Variants in BLZF1 observed in about 807,000 individuals in gnomAD.
BLZF1 encodes golgin-45.
Under a neutral mutation model 43.8 loss-of-function variants are expected in BLZF1, and 39 were observed. The ratio of observed to expected loss-of-function variants is 0.89; its 90% CI spans 0.69 to 1.16. BLZF1 has a LOEUF of 1.16. BLZF1 is among the 50% of genes most tolerant of loss of function. The pLI is 0.00. For synonymous variants in BLZF1, 136 were observed against 159.4 expected (o/e 0.85, Z 1.11); for missense variants, 449 against 469.8 (o/e 0.96, Z 0.41).
downstream of BLZF1, among the ~76,000 whole-genome samples, chr1:169,392,318 A>G (rs1571448659): frequency 6.6e-6 from 1 of 152,330 alleles, no homozygotes; most frequent in East Asian, 1.9e-4. Flanking sequence ...TGGAGGACTG[A>G]CACTTCCCAA....
rs1333304973 is a variant in BLZF1, at chr1:169,369,610, G to A, written c.28+60G>A. On this transcript the variant is annotated intron_variant, in intron 2 of 6. Transcript: ENST00000367808. ...GACATTTATGACGATGTGAAGGAAC[G>A]TTTGAGCCAGATAACTAGATCTCAT... The A allele has an allele frequency of 3.0e-6, 4 of 1,320,386 alleles. No homozygotes were observed. In the South Asian group the frequency reaches 3.7e-5, roughly 12 times the overall value. The allele number at this position is 1,320,386 out of a possible 1,614,324, so 81.8% of individuals were successfully genotyped here.
chr1:169,373,249 C>T (rs1654183864), intron 2 of BLZF1, among the ~76,000 whole-genome samples: 1 of 152,064 alleles, frequency 6.6e-6, no homozygotes, highest in Non-Finnish European at 1.5e-5. Context: ...GATAATTGAT[C>T]ACAGGTGGAA....
At chr1:169,386,557 T>C (rs1470270147) in intron 6 of BLZF1, among the ~76,000 whole-genome samples, 1 of 151,370 alleles carries the variant, frequency 6.6e-6, no homozygotes, top group African/African-American at 2.4e-5. Context: ...CGGGCGCCTA[T>C]AGTCCCAGCT....
chr1:169,386,540 A>G (rs1205369019), intron 6 of BLZF1, among the ~76,000 whole-genome samples: 2 of 151,934 alleles, frequency 1.3e-5, no homozygotes, highest in Non-Finnish European at 2.9e-5. Flanking sequence ...TGAGCCGGGC[A>G]TGGTGGCGGG....
At chr1:169,388,542 T>G (rs995722958), downstream of BLZF1, among the ~76,000 whole-genome samples, 3 of 152,140 alleles carry the variant, frequency 2.0e-5, no homozygotes, top group Non-Finnish European at 4.4e-5. Flanking sequence ...TCATCAAAAT[T>G]TCAAATTTTT....
chr1:169,378,297 T>C (rs757657722), intron 3 of BLZF1, 33 bp from the exon 4 acceptor site: 2 of 1,583,580 alleles, frequency 1.3e-6, no homozygotes, highest in Non-Finnish European at 8.7e-7. Context: ...GATATTACTT[T>C]GAGCTTGTTG....
chr1:169,375,415 T>TAAAAC (rs1327785063), intron 2 of BLZF1, among the ~76,000 whole-genome samples: 1 of 113,390 alleles, frequency 8.8e-6, no homozygotes, highest in Non-Finnish European at 1.9e-5. Flanking sequence ...TATATATATA[T>TAAAAC]ATATATATAT....
rs771626988 is a variant in BLZF1 at position 169,378,481 on chromosome 1, G to A, written c.620G>A (p.Arg207His). The change falls in exon 4 of 7, where the codon CGT (arginine) becomes CAT (histidine). Residue 207 changes from arginine to histidine, a missense_variant. Coordinates refer to ENST00000367808, the MANE Select transcript of BLZF1 (RefSeq NM_001320973.2). Reference sequence around the variant, plus strand: ...GCTCAGCTTTCTGAACAGTTAGAACGTATGTCAATACAGTGTGATGTATGG... The same window carrying A: ...GCTCAGCTTTCTGAACAGTTAGAACATATGTCAATACAGTGTGATGTATGG... ...NTAQLSEQLE[R>H]MSIQCDVWRS... is the part of the protein sequence containing the mutation. The A allele has an allele frequency of 6.2e-6, 10 of 1,612,816 alleles. No individual in the cohort carries two copies. The highest frequency in any genetic ancestry group is 1.7e-4 in the Middle Eastern group (1 of 6,056).
chr1:169,375,799 CAT>C (rs143041398), intron 2 of BLZF1, among the ~76,000 whole-genome samples: 38 of 148,786 alleles, frequency 2.6e-4, no homozygotes, highest in Admixed American at 3.4e-4. Flanking sequence ...AACATATATA[CAT>C]ATATATATAT....
downstream of BLZF1, among the ~76,000 whole-genome samples, chr1:169,392,264 G>T (rs931642947): frequency 1.9e-4 from 29 of 152,198 alleles, no homozygotes. Flanking sequence ...ATATGGAATT[G>T]TAAACGCCGT....
chr1:169,396,116 A>G (rs988133018), exon 8 of BLZF1: 1 of 152,190 alleles, frequency 6.6e-6, no homozygotes, highest in Non-Finnish European at 1.5e-5. Flanking sequence ...GAAATTGTAA[A>G]TACATGTACA....
Position 169,382,122 on chromosome 1 carries a change from T to C in BLZF1, c.858T>C (p.Ser286=), listed in dbSNP as rs901286172. ...QWGREQTYSP[S]VQPHSTAELA... ...GAAGAGAGCAAACTTACTCCCCTAG[T>C]GTACAACCCCACAGCACAGCAGAGC... The change falls in exon 6 of 7, where the codon AGT becomes AGC. Residue 286 remains serine, a synonymous_variant. Coordinates refer to ENST00000367808, the MANE Select transcript of BLZF1 (RefSeq NM_001320973.2). 4 of 1,613,782 alleles carry C rather than the reference T, an allele frequency of 2.5e-6. No homozygotes were observed. The highest frequency in any genetic ancestry group is 1.3e-5 in the African/African-American group (1 of 74,926).
At chr1:169,370,865 C>T (rs1391931431) in intron 2 of BLZF1, among the ~76,000 whole-genome samples, 1 of 152,174 alleles carries the variant, frequency 6.6e-6, no homozygotes, top group East Asian at 1.9e-4. Flanking sequence ...TTATAGACTA[C>T]TGCCTACTGG....
intron 7 of BLZF1, among the ~76,000 whole-genome samples, chr1:169,393,851 C>T (rs996719783): frequency 6.6e-6 from 1 of 152,116 alleles, no homozygotes; most frequent in African/African-American, 2.4e-5. Flanking sequence ...ATCCTCCTGC[C>T]TCAACCTCCC....
At chr1:169,395,519 T>C (rs560721016) in intron 7 of BLZF1, among the ~76,000 whole-genome samples, 1 of 152,318 alleles carries the variant, frequency 6.6e-6, no homozygotes, top group South Asian at 2.1e-4. Context: ...AGAAACAGGA[T>C]TTCTTACTAT....
chr1:169,380,439 T>C (rs1402584898), intron 4 of BLZF1, 42 bp from the exon 5 acceptor site: 1 of 1,590,436 alleles, frequency 6.3e-7, no homozygotes, highest in Non-Finnish European at 8.6e-7. Context: ...TACACTGTAT[T>C]ATTGTCAGCA....
Position 169,376,737 on chromosome 1 carries a change from G to C in BLZF1, c.226G>C (p.Val76Leu). ...GKMLTEKAME[V>L]KAVRILVPKA... ...AATGCTCACTGAAAAAGCAATGGAA[G>C]TTAAAGCTGTAAGAATATTAGTTCC... The change falls in exon 3 of 7, where the codon GTT (valine) becomes CTT (leucine). Residue 76 changes from valine (V) to leucine (L), a missense_variant. Transcript: ENST00000367808. 1 of 1,613,302 alleles carries C rather than the reference G, an allele frequency of 6.2e-7. No homozygotes were observed.
At position 169,387,043 on chromosome 1, in the gene BLZF1, A is replaced by C; in HGVS notation, c.1064A>C (p.Asp355Ala). Residue 355 changes from aspartate (D) to alanine (A), a missense_variant, in exon 7 of 7, where the codon GAT becomes GCT. By Grantham distance (126) the Asp-to-Ala change is moderately radical (BLOSUM62 -2). Transcript: ENST00000367808. ...GTTACCTGCAAAGAGAGTTCACCTG[A>C]TAATCCATTTTTTGAGTCTTCACCA... ...DPVTCKESSPDNPFFESSPTT... is the reference protein window; with the variant it reads ...DPVTCKESSPANPFFESSPTT... The C allele has an allele frequency of 6.2e-7, 1 of 1,613,044 alleles. No individual in the cohort carries two copies. Among genetic ancestry groups the C allele is most frequent in the Non-Finnish European group, 8.5e-7 (1 of 1,179,512 alleles).
chr1:169,375,332 A>G (rs1028777856), intron 2 of BLZF1, among the ~76,000 whole-genome samples: 3 of 131,422 alleles, frequency 2.3e-5, no homozygotes, highest in Non-Finnish European at 4.9e-5. Context: ...ACACACACAC[A>G]TATATATATA....
Sources: gnomAD v4.1 joint callset for allele counts (sites outside exome capture counted in the v4.1 genomes callset) on GRCh38, gnomAD v4.1.1 for gene constraint, MANE v1.5 for transcripts, NCBI Gene and HGNC (gene_info 2026-07-23, HGNC 2026-07-21) for gene names.